TTC39C: variants seen among roughly 807,000 people sequenced by gnomAD.
The protein encoded by TTC39C is tetratricopeptide repeat domain 39C.
A neutral mutation model predicts 76.3 loss-of-function variants in TTC39C; 33 were observed. The observed-to-expected ratio is 0.43, with a 90% CI of 0.33 to 0.58. TTC39C has a LOEUF of 0.58. Among genes scored for constraint, TTC39C ranks in the 20% least tolerant of loss-of-function variants. TTC39C has a pLI of 0.04. For missense variants in TTC39C, 595 were observed against 701.4 expected (o/e 0.85, Z 1.71); for synonymous variants, 254 against 260.6 (o/e 0.97, Z 0.24).
chr18:24,115,145 A>T (rs1025566589), intron 7 of TTC39C: 1 of 152,920 alleles, frequency 6.5e-6, no homozygotes, highest in African/African-American at 2.4e-5. Flanking sequence ...GTGAAACCTC[A>T]TGCAGGGGGC....
At chr18:24,092,092 CAAAAAAAAAAA>C (rs74171390) in intron 6 of TTC39C, among the ~76,000 whole-genome samples, 2 of 67,592 alleles carry the variant, frequency 3.0e-5, no homozygotes, top group Non-Finnish European at 5.2e-5. Context: ...GACTCAGTCT[CAAAAAAAAAAA>C]AAAAAAAAAA....
At chr18:24,063,110 A>G (rs1372025758) in intron 1 of TTC39C, among the ~76,000 whole-genome samples, 1 of 152,244 alleles carries the variant, frequency 6.6e-6, no homozygotes, top group African/African-American at 2.4e-5. Context: ...TAAGAAGGTA[A>G]TTACAACTAG....
At chr18:24,013,580 T>C (rs1226266083), upstream of TTC39C, among the ~76,000 whole-genome samples, 1 of 152,218 alleles carries the variant, frequency 6.6e-6, no homozygotes, top group Non-Finnish European at 1.5e-5. Flanking sequence ...AAAAATTCTG[T>C]TATAAATGTT....
At chr18:24,118,444 A>G (rs1024510782) in intron 8 of TTC39C, among the ~76,000 whole-genome samples, 8 of 152,186 alleles carry the variant, frequency 5.3e-5, no homozygotes, top group African/African-American at 1.9e-4. Flanking sequence ...AGTAGTGCCC[A>G]GGGTGCCCCT....
intron 2 of TTC39C, among the ~76,000 whole-genome samples, chr18:24,064,870 A>C (rs1366550768): frequency 2.0e-5 from 3 of 152,120 alleles, no homozygotes; most frequent in Non-Finnish European, 4.4e-5. Flanking sequence ...GCTCAACCAC[A>C]GGTACCACGC....
At chr18:24,015,670 C>A (rs2083446502) in intron 1 of TTC39C, among the ~76,000 whole-genome samples, 1 of 152,184 alleles carries the variant, frequency 6.6e-6, no homozygotes, top group Admixed American at 6.5e-5. Context: ...TGATGTCTTT[C>A]AAGCAGGCGT....
chr18:24,045,320 G>C (rs571876145), intron 1 of TTC39C, among the ~76,000 whole-genome samples: 187 of 148,634 alleles, frequency 1.3e-3, no homozygotes, highest in Non-Finnish European at 2.1e-3. Flanking sequence ...ACCTGAGTGA[G>C]AATCTGCATT....
intron 1 of TTC39C, among the ~76,000 whole-genome samples, chr18:24,031,554 A>G (rs7235108): frequency 0.065 from 9,849 of 152,002 alleles, 569 homozygotes; most frequent in African/African-American, 0.16. Context: ...TTGTCTGCCA[A>G]TTTTGCCTCT....
chr18:24,063,468 CTG>C (rs2084124377), intron 1 of TTC39C, among the ~76,000 whole-genome samples: 1 of 148,050 alleles, frequency 6.8e-6, no homozygotes, highest in Non-Finnish European at 1.5e-5. Flanking sequence ...TGAATAATAA[CTG>C]TCTTTCTTTG....
chr18:24,045,909 ATATATATATATATATAT>A (rs1288555597), intron 1 of TTC39C, among the ~76,000 whole-genome samples: 2 of 38,128 alleles, frequency 5.2e-5, no homozygotes, highest in African/African-American at 1.6e-4. Flanking sequence ...ATATATATAT[ATATATATATATATATAT>A]ATTTTTTTTT....
intron 1 of TTC39C, among the ~76,000 whole-genome samples, chr18:24,051,280 G>A (rs2337237): frequency 0.63 from 95,478 of 152,046 alleles, 31,380 homozygotes; most frequent in Middle Eastern, 0.77. Flanking sequence ...TGGCTTCTCA[G>A]CACCAGCCAG....
At chr18:24,014,021 T>C (rs1176445700), upstream of TTC39C, among the ~76,000 whole-genome samples, 2 of 152,244 alleles carry the variant, frequency 1.3e-5, no homozygotes, top group East Asian at 1.9e-4. Context: ...ACTGCGCAAA[T>C]GTTGGTGGCG....
intron 1 of TTC39C, among the ~76,000 whole-genome samples, chr18:24,052,293 G>A (rs1213871564): frequency 3.9e-5 from 6 of 152,194 alleles, no homozygotes; most frequent in Non-Finnish European, 4.4e-5. Context: ...AAACTGGACC[G>A]TGTATGCTCT....
At chr18:24,128,139 G>A (rs2085073716) in intron 10 of TTC39C, among the ~76,000 whole-genome samples, 1 of 152,144 alleles carries the variant, frequency 6.6e-6, no homozygotes, top group South Asian at 2.1e-4. Context: ...ACCTAGAATT[G>A]CCTGGCAAAT....
chr18:24,078,907 T>C (rs2084340914), intron 4 of TTC39C, among the ~76,000 whole-genome samples: 1 of 152,254 alleles, frequency 6.6e-6, no homozygotes. Context: ...GCCAACCTTT[T>C]TAGCAGTTCT....
At chr18:24,014,067 T>C (rs1364666319), upstream of TTC39C, among the ~76,000 whole-genome samples, 1 of 152,250 alleles carries the variant, frequency 6.6e-6, no homozygotes, top group African/African-American at 2.4e-5. Context: ...CGAGGGGCTC[T>C]GCCTTGCAGT....
At position 24,069,207 on chromosome 18, in the gene TTC39C, G is replaced by A. The variant is rs1386548; in HGVS notation, c.396G>A (p.Gln132=). The A allele has an allele frequency of 5.0e-6, 8 of 1,614,170 alleles. No homozygotes were observed. The highest frequency in any genetic ancestry group is 3.3e-4 in the Middle Eastern group (2 of 6,062). ...CTATGGTTGATCGGCTTCAGAGGCA[G>A]ATAATCATAGCTGACTGCCAGGTTT... is the stretch of plus-strand genomic sequence containing the variant. ...APSMVDRLQR[Q]IIIADCQVYL... The change falls in exon 4 of 14, where the codon CAG becomes CAA. Residue 132 remains glutamine (Q), a synonymous_variant. Transcript: ENST00000317571.
chr18:24,072,406 G>A (rs560684941), intron 4 of TTC39C, among the ~76,000 whole-genome samples: 9 of 151,696 alleles, frequency 5.9e-5, no homozygotes, highest in South Asian at 2.1e-4. Context: ...AGTGATTCTC[G>A]TACGTTAGCC....
At chr18:24,004,724 T>G (rs2083339130) in intron 1 of TTC39C, among the ~76,000 whole-genome samples, 1 of 152,226 alleles carries the variant, frequency 6.6e-6, no homozygotes, top group African/African-American at 2.4e-5. Flanking sequence ...GAGCATGATT[T>G]ACCATGAAAA....
Sources: allele counts gnomAD v4.1 joint callset (sites outside exome capture counted in the v4.1 genomes callset), GRCh38; gene constraint gnomAD v4.1.1; transcripts MANE v1.5; gene names NCBI Gene and HGNC (gene_info 2026-07-23, HGNC 2026-07-21).